FSD1L: variants seen among roughly 807,000 people sequenced by gnomAD.
FSD1L encodes the protein FSD1-like protein.
FSD1L carries 45 observed loss-of-function variants against 71.6 expected under a neutral mutation model. The observed-to-expected ratio is 0.63, with a 90% CI of 0.49 to 0.81. The LOEUF (loss-of-function observed/expected upper bound fraction) is 0.81, where lower values mean the gene tolerates loss of function less well. FSD1L is among the 30% of genes least tolerant of loss of function. FSD1L has a pLI of 0.00. For missense variants in FSD1L, 561 were observed against 618.1 expected (o/e 0.91, Z 0.98); for synonymous variants, 197 against 207.2 (o/e 0.95, Z 0.42).
At chr9:105,508,579 A>T in intron 8 of FSD1L, 38 bp from the exon 9 acceptor site, 2 of 1,191,614 alleles carry the variant, frequency 1.7e-6, no homozygotes, top group Non-Finnish European at 2.4e-6. Flanking sequence ...AGAATCCTTT[A>T]CTGTACATGT....
chr9:105,489,343 T>G (rs1832765906), intron 7 of FSD1L, among the ~76,000 whole-genome samples: 1 of 152,160 alleles, frequency 6.6e-6, no homozygotes, highest in South Asian at 2.1e-4. Context: ...ACAAGGTCTT[T>G]GTATGTAGAG....
intron 2 of FSD1L, among the ~76,000 whole-genome samples, chr9:105,463,392 G>T (rs1830848126): frequency 6.6e-6 from 1 of 152,092 alleles, no homozygotes; most frequent in Non-Finnish European, 1.5e-5. Flanking sequence ...ACCTTGTTTG[G>T]TTTTTGCTGT....
chr9:105,458,583 T>C, intron 1 of FSD1L, among the ~76,000 whole-genome samples: 1 of 152,136 alleles, frequency 6.6e-6, no homozygotes, highest in East Asian at 1.9e-4. Flanking sequence ...AAGTGCATGC[T>C]GATTGGTCCA....
chr9:105,544,093 T>C (rs1374003971), intron 13 of FSD1L, among the ~76,000 whole-genome samples: 3 of 152,188 alleles, frequency 2.0e-5, no homozygotes, highest in African/African-American at 7.2e-5. Context: ...CTCCAGCACC[T>C]GTTGTTTCCT....
At chr9:105,494,363 A>C (rs1443456938) in intron 7 of FSD1L, among the ~76,000 whole-genome samples, 2 of 151,988 alleles carry the variant, frequency 1.3e-5, no homozygotes, top group Non-Finnish European at 2.9e-5. Context: ...AGCTCCTTTA[A>C]GCACTTCTCT....
intron 1 of FSD1L, among the ~76,000 whole-genome samples, chr9:105,450,244 T>C (rs1333832021): frequency 6.6e-6 from 1 of 152,228 alleles, no homozygotes; most frequent in Non-Finnish European, 1.5e-5. Flanking sequence ...TTTTCTGTTA[T>C]GGAATGTACA....
At chr9:105,476,691 C>G (rs531574229) in intron 5 of FSD1L, among the ~76,000 whole-genome samples, 95 of 152,208 alleles carry the variant, frequency 6.2e-4, no homozygotes, top group African/African-American at 2.2e-3. Flanking sequence ...AGTCACCGTT[C>G]TTGAAATAGA....
chr9:105,520,483 CAAAG>C, intron 10 of FSD1L: 3 of 1,066,952 alleles, frequency 2.8e-6, no homozygotes, highest in South Asian at 2.5e-5. Flanking sequence ...TCACAAGTCT[CAAAG>C]AGAGGAACTG....
Position 105,506,416 on chromosome 9 carries a change from ATAGATCCAG to A in FSD1L, c.609_617del (p.Asp203_Val205del). ...CTTTGCAGTCCCCAAAGCTCCAGAG[ATAGATCCAG>A]TAGAGTGTTTGGTGGCAGATAACTC... On this transcript the variant is annotated inframe_deletion, in exon 8 of 14. Coordinates refer to ENST00000481272, the MANE Select transcript of FSD1L (RefSeq NM_001145313.3). 6.4e-7 allele frequency: 1 copy of A among 1,551,190 alleles called. No homozygotes were observed. The highest frequency in any genetic ancestry group is 8.7e-7 in the Non-Finnish European group (1 of 1,146,582).
At chr9:105,525,250 G>T in intron 10 of FSD1L, 1 of 1,603,580 alleles carries the variant, frequency 6.2e-7, no homozygotes, top group Non-Finnish European at 8.5e-7. Flanking sequence ...TAGAGAAACT[G>T]TACCAACTTG....
intron 10 of FSD1L, chr9:105,513,632 G>GT (rs1429211925): frequency 6.5e-7 from 1 of 1,531,834 alleles, no homozygotes; most frequent in Non-Finnish European, 8.7e-7. Context: ...AACATACAAG[G>GT]TGATGATCTA....
intron 7 of FSD1L, among the ~76,000 whole-genome samples, chr9:105,496,316 T>C (rs1564113781): frequency 6.6e-6 from 1 of 151,762 alleles, no homozygotes; most frequent in Admixed American, 6.6e-5. Flanking sequence ...GTCTGAGAGT[T>C]GACTAGTTTC....
chr9:105,541,002 T>G (rs975908773), intron 13 of FSD1L, among the ~76,000 whole-genome samples: 4 of 152,150 alleles, frequency 2.6e-5, no homozygotes, highest in African/African-American at 9.6e-5. Flanking sequence ...CAAGATGGTA[T>G]ATTTCAAATG....
intron 7 of FSD1L, among the ~76,000 whole-genome samples, chr9:105,489,141 G>A (rs1260778762): frequency 6.6e-6 from 1 of 152,116 alleles, no homozygotes; most frequent in Non-Finnish European, 1.5e-5. Flanking sequence ...TGACATAGAT[G>A]TAGAGTATTC....
At chr9:105,494,356 T>C (rs1006434876) in intron 7 of FSD1L, among the ~76,000 whole-genome samples, 5 of 152,146 alleles carry the variant, frequency 3.3e-5, no homozygotes, top group African/African-American at 1.2e-4. Flanking sequence ...CTCCATCAGC[T>C]CCTTTAAGCA....
chr9:105,502,551 C>A (rs1461883019), intron 7 of FSD1L, among the ~76,000 whole-genome samples: 1 of 152,112 alleles, frequency 6.6e-6, no homozygotes, highest in Admixed American at 6.5e-5. Context: ...GTAAGTAGAA[C>A]TTTTCTCCCC....
intron 7 of FSD1L, among the ~76,000 whole-genome samples, chr9:105,502,762 G>T (rs1833838168): frequency 6.6e-6 from 1 of 151,054 alleles, no homozygotes; most frequent in Non-Finnish European, 1.5e-5. Flanking sequence ...CATGCTTATT[G>T]TACAGTCAAA....
intron 2 of FSD1L, among the ~76,000 whole-genome samples, chr9:105,462,677 C>CA (rs917029179): frequency 1.3e-5 from 2 of 150,682 alleles, no homozygotes; most frequent in African/African-American, 4.9e-5. Context: ...TGCATGCTAC[C>CA]ACGCCTGGCT....
intron 10 of FSD1L, chr9:105,523,550 T>C (rs1385901009): frequency 1.2e-6 from 2 of 1,612,596 alleles, no homozygotes; most frequent in Non-Finnish European, 1.7e-6. Flanking sequence ...AGAATCTAGC[T>C]AAGATTAGAG....
Sources: gnomAD v4.1 joint callset for allele counts (sites outside exome capture counted in the v4.1 genomes callset) on GRCh38, gnomAD v4.1.1 for gene constraint, MANE v1.5 for transcripts, NCBI Gene and HGNC (gene_info 2026-07-23, HGNC 2026-07-21) for gene names.